TSHR: variants seen among roughly 807,000 people sequenced by gnomAD.
TSHR encodes the protein thyrotropin receptor.
In TSHR, 51 loss-of-function variants were observed where a neutral mutation model predicts 64.1. The observed-to-expected ratio is 0.80, with a 90% CI of 0.64 to 1.01. The LOEUF (loss-of-function observed/expected upper bound fraction) is 1.01, where lower values mean the gene tolerates loss of function less well. TSHR is among the 50% of genes least tolerant of loss of function. TSHR has a pLI of 0.00. For missense variants in TSHR, 877 were observed against 942.8 expected, an observed-to-expected ratio of 0.93 and a Z score of 0.91; for synonymous variants, 361 against 361.9, an observed-to-expected ratio of 1.00 and a Z score of 0.03.
At chr14:81,056,597 A>T (rs1003784354) in intron 1 of TSHR, among the ~76,000 whole-genome samples, 1 of 152,196 alleles carries the variant, frequency 6.6e-6, no homozygotes, top group African/African-American at 2.4e-5. Context: ...TATTTTCAAC[A>T]ATTTGGAGAC....
chr14:81,092,625 C>T lies in TSHR; in HGVS notation c.545+17C>T. On this transcript the variant is annotated intron_variant, in intron 6 of 9. Coordinates refer to ENST00000298171, the MANE Select transcript of TSHR (RefSeq NM_000369.5). ...CTTGACACTGTGAGTATTACCAGTTCTACTCCCTCCATCAACTAAATTCTA... is the reference window on the plus strand; with the variant it reads ...CTTGACACTGTGAGTATTACCAGTTTTACTCCCTCCATCAACTAAATTCTA... 4 of 1,607,914 alleles carry T rather than the reference C, an allele frequency of 2.5e-6. No homozygotes were observed. Among genetic ancestry groups the T allele is most frequent in the Non-Finnish European group, 3.4e-6 (4 of 1,174,510 alleles).
intron 8 of TSHR, among the ~76,000 whole-genome samples, chr14:81,136,689 G>A (rs12891336): frequency 0.11 from 16,864 of 152,190 alleles, 1,136 homozygotes; most frequent in African/African-American, 0.18. Flanking sequence ...ATTGGGACAA[G>A]GAGGAAATTA....
chr14:81,087,159 C>T (rs1204137378), intron 3 of TSHR, among the ~76,000 whole-genome samples: 2 of 152,192 alleles, frequency 1.3e-5, no homozygotes, highest in African/African-American at 4.8e-5. Flanking sequence ...GATGCTGGTT[C>T]TTTTAGGTGC....
At chr14:81,073,021 A>AAAAAAAT (rs1566794433) in intron 3 of TSHR, among the ~76,000 whole-genome samples, 43 of 48,572 alleles carry the variant, frequency 8.9e-4, no homozygotes, top group African/African-American at 1.9e-3. Flanking sequence ...ATAAAAAATA[A>AAAAAAAT]ATATATATAT....
At chr14:81,039,910 T>C (rs116939590) in intron 1 of TSHR, among the ~76,000 whole-genome samples, 1 of 152,024 alleles carries the variant, frequency 6.6e-6, no homozygotes, top group African/African-American at 2.4e-5. Context: ...GATCTACAGA[T>C]TCAATGAAAT....
At chr14:81,033,372 T>C in intron 1 of TSHR, 1 of 263,030 alleles carries the variant, frequency 3.8e-6, no homozygotes. Context: ...GGGGCCATCC[T>C]GGCCACTTTA....
chr14:81,058,827 G>A (rs1267227768), intron 1 of TSHR, among the ~76,000 whole-genome samples: 3 of 152,112 alleles, frequency 2.0e-5, no homozygotes, highest in Non-Finnish European at 4.4e-5. Context: ...TTCACTTGGT[G>A]TTTTTTCTTT....
intron 1 of TSHR, among the ~76,000 whole-genome samples, chr14:80,966,228 A>C (rs1429295801): frequency 1.3e-5 from 2 of 152,170 alleles, no homozygotes; most frequent in African/African-American, 4.8e-5. Context: ...AGAAACTAGA[A>C]GGCTACTTTT....
intron 1 of TSHR, among the ~76,000 whole-genome samples, chr14:81,031,546 C>A (rs2139822009): frequency 6.6e-6 from 1 of 152,224 alleles, no homozygotes; most frequent in African/African-American, 2.4e-5. Flanking sequence ...CTTTGGTACT[C>A]TAGAACACCA....
At chr14:80,958,629 G>C (rs74064771) in intron 1 of TSHR, among the ~76,000 whole-genome samples, 3 of 152,114 alleles carry the variant, frequency 2.0e-5, no homozygotes, top group Admixed American at 6.5e-5. Flanking sequence ...GAAAGACTAA[G>C]TTAGTCTTTC....
At chr14:81,045,260 CA>C (rs1318908082) in intron 1 of TSHR, among the ~76,000 whole-genome samples, 1 of 152,154 alleles carries the variant, frequency 6.6e-6, no homozygotes, top group Non-Finnish European at 1.5e-5. Context: ...TGGCCTTGTA[CA>C]ATGCATTAGG....
intron 5 of TSHR, 120 bp from the exon 6 acceptor site, chr14:81,092,411 A>C (rs1341521582): frequency 4.1e-6 from 4 of 973,232 alleles, no homozygotes; most frequent in Non-Finnish European, 6.5e-6. Flanking sequence ...AGTGAAACTT[A>C]AAAAGAAATA....
rs1889731877 is a variant in TSHR, at chr14:81,103,819, G to C, written c.615-4556G>C. The C allele has an allele frequency of 2.0e-6, 2 of 985,436 alleles. No homozygotes were observed. Among genetic ancestry groups the C allele is most frequent in the African/African-American group, 3.5e-5 (2 of 57,348 alleles). 61.0% of individuals were successfully genotyped at this position (985,436 alleles called of 1,614,324 possible). On this transcript the variant is annotated intron_variant, in intron 7 of 9. Transcript: ENST00000298171. This position sits in a 1 kb window ranked among gnomAD's most constrained non-coding sequence, Gnocchi z 4.1. ...CTTCTCACAGAATGTCTGATTCTCT[G>C]TATCACATTTCCTATTGTCAAACTC...
At position 81,143,399 on chromosome 14, in the gene TSHR, C is replaced by T. The variant is rs777698828; in HGVS notation, c.1341C>T (p.Asn447=). ...LILLTSHYKL[N]VPRFLMCNLA... is the part of the protein sequence containing the mutation. ...TCCTCACCAGCCACTACAAACTGAA[C>T]GTCCCCCGCTTTCTCATGTGCAACC... The change falls in exon 10 of 10, where the codon AAC becomes AAT. Residue 447 remains asparagine (N), a synonymous_variant. Coordinates refer to ENST00000298171, the MANE Select transcript of TSHR (RefSeq NM_000369.5). 59 of 1,614,088 alleles carry T rather than the reference C, an allele frequency of 3.7e-5. No individual in the cohort carries two copies. Among genetic ancestry groups the T allele is most frequent in the Middle Eastern group, 3.3e-4 (2 of 6,084 alleles).
At chr14:81,030,628 G>A (rs906239487) in intron 1 of TSHR, among the ~76,000 whole-genome samples, 3 of 151,990 alleles carry the variant, frequency 2.0e-5, no homozygotes, top group Non-Finnish European at 2.9e-5. Flanking sequence ...TTTCTAGATC[G>A]GATAGACTTT....
intron 1 of TSHR, among the ~76,000 whole-genome samples, chr14:81,008,447 C>T (rs1889723243): frequency 6.6e-6 from 1 of 152,198 alleles, no homozygotes; most frequent in Non-Finnish European, 1.5e-5. Flanking sequence ...GCTGGGATTA[C>T]AGGCGTGAGC....
intron 6 of TSHR, among the ~76,000 whole-genome samples, chr14:81,093,197 T>C (rs1327929143): frequency 6.6e-6 from 1 of 152,236 alleles, no homozygotes; most frequent in Non-Finnish European, 1.5e-5. Flanking sequence ...ATTAAGCTCC[T>C]GTAAGGGGAT....
intron 8 of TSHR, among the ~76,000 whole-genome samples, chr14:81,128,241 C>T (rs1359224422): frequency 6.6e-6 from 1 of 152,150 alleles, no homozygotes; most frequent in East Asian, 1.9e-4. Context: ...GGGTTCTTTA[C>T]AGATAGTCTA....
chr14:81,030,561 G>T (rs1372456827), intron 1 of TSHR, among the ~76,000 whole-genome samples: 2 of 152,102 alleles, frequency 1.3e-5, no homozygotes, highest in Non-Finnish European at 2.9e-5. Flanking sequence ...ATCAGGCAGG[G>T]AAATAAATGC....
Sources: allele counts gnomAD v4.1 joint callset (sites outside exome capture counted in the v4.1 genomes callset), GRCh38; gene constraint gnomAD v4.1.1; non-coding constraint Gnocchi (gnomAD v3.1); transcripts MANE v1.5; gene names NCBI Gene and HGNC (gene_info 2026-07-23, HGNC 2026-07-21).